Variants in PTK2B observed in about 807,000 individuals in gnomAD.
PTK2B encodes protein-tyrosine kinase 2-beta.
A neutral mutation model predicts 142.9 loss-of-function variants in PTK2B; 71 were observed. The observed-to-expected ratio is 0.50, with a 90% CI of 0.41 to 0.61. PTK2B has a LOEUF of 0.61. Among genes scored for constraint, PTK2B ranks in the 20% least tolerant of loss-of-function variants. The pLI is 0.00. For synonymous variants in PTK2B, 519 were observed against 503.4 expected, an observed-to-expected ratio of 1.03 and a Z score of -0.42; for missense variants, 1,105 against 1,320.4, an observed-to-expected ratio of 0.84 and a Z score of 2.53.
At chr8:27,438,475 T>G in intron 18 of PTK2B, among the ~76,000 whole-genome samples, 1 of 4,338 alleles carries the variant, frequency 2.3e-4, no homozygotes, top group Non-Finnish European at 5.9e-4. Flanking sequence ...ACTCAGGGTG[T>G]GTGAAGCTCT....
In PTK2B at chr8:27,431,029, T is replaced by A; in HGVS notation, c.810+13T>A. Reference sequence around the variant, plus strand: ...CTGTGAACTCATTGTAATGGCGGGCTCTCTTGATCCTCTCCCTGACCTGGA... The same window carrying A: ...CTGTGAACTCATTGTAATGGCGGGCACTCTTGATCCTCTCCCTGACCTGGA... On this transcript the variant is annotated intron_variant, in intron 8 of 30. Coordinates refer to ENST00000346049, the MANE Select transcript of PTK2B (RefSeq NM_173176.3). 6.2e-7 allele frequency: 1 copy of A among 1,607,736 alleles called. No homozygotes were observed. The highest frequency in any genetic ancestry group is 1.1e-5 in the South Asian group (1 of 90,560).
upstream of PTK2B, chr8:27,310,941 G>T (rs1586062023): frequency 6.2e-7 from 1 of 1,612,596 alleles, no homozygotes; most frequent in Non-Finnish European, 8.5e-7. Flanking sequence ...CGGCAGACAC[G>T]CGAGAAGCGG....
Position 27,454,280 on chromosome 8 carries a change from G to A in PTK2B, c.2722G>A (p.Val908Met). ...TCAGCTGCCCCCCGAGGGCTACGTG[G>A]TGGTGGTGAAGGTGAGAGCAGGGCT... is the stretch of plus-strand genomic sequence containing the variant. ...LCQLPPEGYV[V>M]VVKNVGLTLR... is the part of the protein sequence containing the mutation. Residue 908 changes from valine (V) to methionine (M), a missense_variant, in exon 29 of 31, where the codon GTG becomes ATG. Physicochemically the swap from Val to Met is conservative, Grantham distance 21 (BLOSUM62 1). Coordinates refer to ENST00000346049, the MANE Select transcript of PTK2B (RefSeq NM_173176.3). 6.2e-7 allele frequency: 1 copy of A among 1,613,598 alleles called. No homozygotes were observed. Among genetic ancestry groups the A allele is most frequent in the Non-Finnish European group, 8.5e-7 (1 of 1,179,916 alleles).
intron 1 of PTK2B, among the ~76,000 whole-genome samples, chr8:27,342,655 G>A (rs1016721416): frequency 2.6e-5 from 4 of 152,096 alleles, no homozygotes; most frequent in Non-Finnish European, 5.9e-5. Context: ...CCTCTGCCAT[G>A]TGCTTCTCCC....
chr8:27,455,782 T>G (rs957203695), intron 30 of PTK2B, among the ~76,000 whole-genome samples: 3 of 152,256 alleles, frequency 2.0e-5, no homozygotes, highest in Non-Finnish European at 4.4e-5. Context: ...ACAATAAATC[T>G]GTGTTGTTTT....
intron 1 of PTK2B, among the ~76,000 whole-genome samples, chr8:27,332,589 T>A (rs1803823382): frequency 1.3e-5 from 2 of 152,124 alleles, no homozygotes; most frequent in African/African-American, 4.8e-5. Flanking sequence ...TTTTTTTTTT[T>A]ATCTCATTTC....
At chr8:27,438,950 C>T in intron 18 of PTK2B, 81 bp from the exon 19 acceptor site, 3 of 1,305,914 alleles carry the variant, frequency 2.3e-6, no homozygotes, top group Non-Finnish European at 3.3e-6. Context: ...GTCTCTTTTT[C>T]CATCTGTCTG....
chr8:27,375,126 T>A (rs761320209), intron 1 of PTK2B, among the ~76,000 whole-genome samples: 4 of 152,198 alleles, frequency 2.6e-5, no homozygotes, highest in Non-Finnish European at 5.9e-5. Context: ...TGGCATGACA[T>A]CTTCATCCAT....
chr8:27,454,339 C>T (rs1184503889), intron 29 of PTK2B, 48 bp downstream of exon 29: 1 of 1,595,670 alleles, frequency 6.3e-7, no homozygotes, highest in Admixed American at 1.7e-5. Context: ...CAAGTCCGCC[C>T]TGGAAGGAAA....
chr8:27,389,628 G>A (rs1437707997), intron 1 of PTK2B, among the ~76,000 whole-genome samples: 3 of 152,230 alleles, frequency 2.0e-5, no homozygotes, highest in Non-Finnish European at 4.4e-5. Context: ...ATGGGTGCGG[G>A]GGTGGGGAGC....
intron 1 of PTK2B, among the ~76,000 whole-genome samples, chr8:27,373,455 T>C (rs571800478): frequency 1.2e-4 from 18 of 152,232 alleles, no homozygotes; most frequent in African/African-American, 4.1e-4. Context: ...GAATTGGCCT[T>C]GGGCAAGCAG....
At chr8:27,405,666 T>C (rs1302266144) in intron 2 of PTK2B, among the ~76,000 whole-genome samples, 1 of 152,206 alleles carries the variant, frequency 6.6e-6, no homozygotes, top group Middle Eastern at 3.2e-3. Context: ...CAGCACAAGG[T>C]AGACACGCAG....
intron 1 of PTK2B, among the ~76,000 whole-genome samples, chr8:27,387,098 T>C (rs1024661956): frequency 8.5e-5 from 13 of 152,076 alleles, no homozygotes; most frequent in Non-Finnish European, 1.9e-4. Flanking sequence ...GGCACAGAAA[T>C]AAGCTTGATG....
chr8:27,403,790 C>CT (rs1808524816), intron 2 of PTK2B, among the ~76,000 whole-genome samples: 1 of 152,054 alleles, frequency 6.6e-6, no homozygotes, highest in Non-Finnish European at 1.5e-5. Flanking sequence ...TCCTCCTCTT[C>CT]TTCTTTCTTT....
chr8:27,385,402 A>G (rs1807287436), intron 1 of PTK2B, among the ~76,000 whole-genome samples: 1 of 152,210 alleles, frequency 6.6e-6, no homozygotes, highest in Admixed American at 6.5e-5. Flanking sequence ...AGTTGGCGAT[A>G]ACTTTCTGTA....
At chr8:27,359,254 A>G (rs1205400238) in intron 1 of PTK2B, among the ~76,000 whole-genome samples, 1 of 152,078 alleles carries the variant, frequency 6.6e-6, no homozygotes, top group African/African-American at 2.4e-5. Context: ...TAGCTGGACT[A>G]CAGGCATGCA....
In PTK2B at chr8:27,436,054, G is replaced by T. The variant is rs568044698; in HGVS notation, c.1244-197G>T. ...TGGACCTGGGACCTAGCCTTCAGAG[G>T]GAGCAGGGTGATGGCTCTTCCCTGG... On this transcript the variant is annotated intron_variant, in intron 14 of 30. Coordinates refer to ENST00000346049, the MANE Select transcript of PTK2B (RefSeq NM_173176.3). 3.9e-5 allele frequency among the ~76,000 whole-genome samples: 6 copies of T among 152,256 alleles called. No homozygotes were observed. The South Asian group carries it at 1.2e-3, about 32-fold the overall frequency.
intron 2 of PTK2B, among the ~76,000 whole-genome samples, chr8:27,312,736 C>T (rs977347648): frequency 6.6e-6 from 1 of 152,132 alleles, no homozygotes; most frequent in Non-Finnish European, 1.5e-5. Context: ...ACCAGAACCC[C>T]TTTTTCCTAA....
At chr8:27,451,407 G>C (rs923992616) in intron 26 of PTK2B, 78 bp from the exon 27 acceptor site, 44 of 1,597,570 alleles carry the variant, frequency 2.8e-5, no homozygotes, top group Non-Finnish European at 3.6e-5. Context: ...GGAGGGACTG[G>C]GGAATGGGTA....
Sources: gnomAD v4.1 joint callset for allele counts (sites outside exome capture counted in the v4.1 genomes callset) on GRCh38, gnomAD v4.1.1 for gene constraint, MANE v1.5 for transcripts, NCBI Gene and HGNC (gene_info 2026-07-23, HGNC 2026-07-21) for gene names.